Variants in SIRPA observed in about 807,000 individuals in gnomAD.
SIRPA encodes the protein signal regulatory protein alpha, also known as tyrosine-protein phosphatase non-receptor type substrate 1.
In SIRPA, 9 loss-of-function variants were observed where a neutral mutation model predicts 50.3. The ratio of observed to expected loss-of-function variants is 0.18; its 90% confidence interval spans 0.11 to 0.31. SIRPA has a LOEUF of 0.31. SIRPA is among the 10% of genes least tolerant of loss of function. The pLI is 1.00. For synonymous variants in SIRPA, 265 were observed against 284.1 expected (o/e 0.93, Z 0.68); for missense variants, 474 against 661.6 (o/e 0.72, Z 3.11).
At position 1,922,451 on chromosome 20, in the gene SIRPA, C is replaced by T. The variant is rs1021538813; in HGVS notation, c.893C>T (p.Thr298Met). The T allele has an allele frequency of 8.7e-6, 14 of 1,614,116 alleles. No homozygotes were observed. Among genetic ancestry groups the T allele is most frequent in the East Asian group, 6.7e-5 (3 of 44,890 alleles). Residue 298 changes from threonine to methionine, a missense_variant, in exon 4 of 8, where the codon ACG (threonine) becomes ATG (methionine). Physicochemically the swap from Thr to Met is moderately conservative, Grantham distance 81 (BLOSUM62 -1). Around this residue, in one of 4 missense-constraint regions of SIRPA, gnomAD observed 221 missense variants for 359.9 expected, o/e 0.61. Coordinates refer to ENST00000358771, the MANE Select transcript of SIRPA (RefSeq NM_001040023.2). ...LENGNVSRTE[T>M]ASTVTENKDG... ...AATGGAAACGTGTCCCGGACAGAAA[C>T]GGCCTCAACCGTTACAGAGAACAAG...
chr20:1,895,996 G>A (rs1002947064), intron 1 of SIRPA, among the ~76,000 whole-genome samples: 6 of 152,350 alleles, frequency 3.9e-5, no homozygotes, highest in Admixed American at 2.0e-4. Flanking sequence ...ACAGAGACAA[G>A]CTGTTGCAAT....
At position 1,903,082 on chromosome 20, in the gene SIRPA, C is replaced by T. The variant is rs143626849; in HGVS notation, c.79+7556C>T. Among the ~76,000 whole-genome samples the T allele has an allele frequency of 9.7e-3, 1,467 of 151,008 alleles. 8 individuals are homozygous for T. Among genetic ancestry groups the T allele is most frequent in the Non-Finnish European group, 0.016 (1,105 of 67,870 alleles). On this transcript the variant is annotated intron_variant, in intron 1 of 7. Coordinates refer to ENST00000358771, the MANE Select transcript of SIRPA (RefSeq NM_001040023.2). Reference sequence around the variant, plus strand: ...GAGTAGCCACGGGGGATAGCAAGAGCCCTCCATGTGGGAGGAATGGCAGAT... The same window carrying T: ...GAGTAGCCACGGGGGATAGCAAGAGTCCTCCATGTGGGAGGAATGGCAGAT...
At position 1,927,625 on chromosome 20, in the gene SIRPA, A is replaced by AG. The variant is rs748006427; in HGVS notation, c.1202-248dup. 1.3e-4 allele frequency among the ~76,000 whole-genome samples: 20 copies of AG among 152,268 alleles called. No individual in the cohort carries two copies. Among genetic ancestry groups the AG allele is most frequent in the Non-Finnish European group, 2.8e-4 (19 of 68,018 alleles). On this transcript the variant is annotated intron_variant, in intron 5 of 7. Coordinates refer to ENST00000358771, the MANE Select transcript of SIRPA (RefSeq NM_001040023.2). This position sits in a 1 kb window ranked among gnomAD's most constrained non-coding sequence, Gnocchi z 6.5. Reference sequence around the variant, plus strand: ...GGGCGGTTGTCGCCTCCCAGGCTGAAGGCTGCTTTTGGACCCCTGGCAACT... The same window carrying AG: ...GGGCGGTTGTCGCCTCCCAGGCTGAAGGGCTGCTTTTGGACCCCTGGCAACT...
chr20:1,930,502 C>T (rs1166255797), intron 6 of SIRPA, among the ~76,000 whole-genome samples: 1 of 152,248 alleles, frequency 6.6e-6, no homozygotes, highest in African/African-American at 2.4e-5. Context: ...CCCACTCTGC[C>T]TTCTCTGAAT....
chr20:1,924,556 C>T lies in SIRPA; in HGVS notation c.1088-208C>T, dbSNP rs781017250. Among the ~76,000 whole-genome samples, 33 of 152,332 alleles carry T rather than the reference C, an allele frequency of 2.2e-4. No homozygotes were observed. Among genetic ancestry groups the T allele is most frequent in the Admixed American group, 6.5e-4 (10 of 15,306 alleles). ...ACAAATATATTCCCCCCTGGCACCT[C>T]AGCATGGTTTTTGTGCTGTTCATGG... On this transcript the variant is annotated intron_variant, in intron 4 of 7. Coordinates refer to ENST00000358771, the MANE Select transcript of SIRPA (RefSeq NM_001040023.2). The surrounding 1 kb of genome is among the most constrained non-coding windows in gnomAD (Gnocchi z 4.5).
At chr20:1,911,251 AAAAT>A (rs1984870243) in intron 1 of SIRPA, among the ~76,000 whole-genome samples, 2 of 152,230 alleles carry the variant, frequency 1.3e-5, no homozygotes, top group Non-Finnish European at 2.9e-5. Context: ...TGAATGAAGC[AAAAT>A]GTCTGCACAT....
At chr20:1,908,069 C>T (rs1373161401) in intron 1 of SIRPA, among the ~76,000 whole-genome samples, 5 of 152,164 alleles carry the variant, frequency 3.3e-5, no homozygotes, top group African/African-American at 1.2e-4. Context: ...AAGGGCACGA[C>T]CCTAGACAGA....
chr20:1,905,229 G>A (rs1182672687), intron 1 of SIRPA, among the ~76,000 whole-genome samples: 4 of 152,194 alleles, frequency 2.6e-5, no homozygotes, highest in Admixed American at 2.6e-4. Flanking sequence ...GCTTTTAAGA[G>A]GGCCTTTATC....
intron 1 of SIRPA, 147 bp from the exon 2 acceptor site, chr20:1,914,952 G>C: frequency 1.4e-6 from 1 of 734,282 alleles, no homozygotes; most frequent in South Asian, 1.8e-5. Context: ...TTGTTGTGAG[G>C]GTCAAATGAG....
intron 2 of SIRPA, 33 bp downstream of exon 2, chr20:1,915,488 T>C: frequency 6.2e-7 from 1 of 1,610,690 alleles, no homozygotes; most frequent in Admixed American, 1.7e-5. Context: ...TTGCCTCTGG[T>C]TTGTGACAGT....
At chr20:1,901,575 C>T (rs1466003986) in intron 1 of SIRPA, among the ~76,000 whole-genome samples, 1 of 152,192 alleles carries the variant, frequency 6.6e-6, no homozygotes, top group East Asian at 1.9e-4. Flanking sequence ...TCTATTTTCA[C>T]AGCTGAAACT....
rs762714208 is a variant in SIRPA at position 1,937,546 on chromosome 20, G to C, written c.1493G>C (p.Ser498Thr). 6.2e-7 allele frequency: 1 copy of C among 1,614,116 alleles called. No homozygotes were observed. ...GAGCCGTCCTTCTCAGAGTACGCCAGCGTCCAGGTCCCGAGGAAGTGAATG... is the reference window on the plus strand; with the variant it reads ...GAGCCGTCCTTCTCAGAGTACGCCACCGTCCAGGTCCCGAGGAAGTGAATG... The part of the protein sequence containing the change: ...KPEPSFSEYA[S>T]VQVPRK Residue 498 changes from serine to threonine, a missense_variant, in exon 8 of 8, where the codon AGC (serine) becomes ACC (threonine). This residue lies in a region of SIRPA where 180 missense variants were observed against 206.7 expected (regional missense o/e 0.87). Transcript: ENST00000358771. The surrounding 1 kb of genome is among the most constrained non-coding windows in gnomAD (Gnocchi z 8.3).
chr20:1,927,626 G>A lies in SIRPA; in HGVS notation c.1202-249G>A, dbSNP rs562732426. Among the ~76,000 whole-genome samples the A allele has an allele frequency of 7.8e-4, 119 of 152,218 alleles. No individual in the cohort carries two copies. The highest frequency in any genetic ancestry group is 1.5e-3 in the Non-Finnish European group (101 of 67,968). On this transcript the variant is annotated intron_variant, in intron 5 of 7. Coordinates refer to ENST00000358771, the MANE Select transcript of SIRPA (RefSeq NM_001040023.2). The surrounding 1 kb of genome is among the most constrained non-coding windows in gnomAD (Gnocchi z 6.5). ...GGCGGTTGTCGCCTCCCAGGCTGAA[G>A]GCTGCTTTTGGACCCCTGGCAACTT...
chr20:1,901,097 G>A (rs1037483259), intron 1 of SIRPA, among the ~76,000 whole-genome samples: 1 of 151,296 alleles, frequency 6.6e-6, no homozygotes, highest in Admixed American at 6.6e-5. Context: ...GCCCAGTTGT[G>A]CTGGCACCCT....
intron 1 of SIRPA, among the ~76,000 whole-genome samples, chr20:1,902,180 G>T (rs1177202221): frequency 6.6e-6 from 1 of 152,180 alleles, no homozygotes; most frequent in African/African-American, 2.4e-5. Context: ...TTGCTAGGGA[G>T]AGGAGAATCG....
At chr20:1,918,679 C>T (rs1985461100) in intron 2 of SIRPA, among the ~76,000 whole-genome samples, 1 of 152,054 alleles carries the variant, frequency 6.6e-6, no homozygotes, top group African/African-American at 2.4e-5. Context: ...ATGGGGTTTT[C>T]CCAAGGTCAT....
rs1171206311 is a variant in SIRPA, at chr20:1,938,671, T to G, written c.*1103T>G. The G allele has an allele frequency of 6.5e-6, 1 of 152,734 alleles. No homozygotes were observed. The highest frequency in any genetic ancestry group is 6.5e-5 in the Admixed American group (1 of 15,282). 9.5% of individuals were successfully genotyped at this position (152,734 alleles called of 1,614,324 possible). A position where few individuals can be genotyped will look rare whatever the true frequency, so the allele number is the denominator to read the frequency against. On this transcript the variant is annotated 3_prime_UTR_variant, in exon 8 of 8. Transcript: ENST00000358771. ...GGACTGACTTGGCCATGTTCTCAGCTGAGCCACGCGGCTGGTAGTGCAGCC... is the reference window on the plus strand; with the variant it reads ...GGACTGACTTGGCCATGTTCTCAGCGGAGCCACGCGGCTGGTAGTGCAGCC...
chr20:1,918,206 CT>C (rs11475492), intron 2 of SIRPA, among the ~76,000 whole-genome samples: 79,094 of 150,664 alleles, frequency 0.52, 21,008 homozygotes, highest in East Asian at 0.66. Context: ...TTTGTTTTTT[CT>C]TTTTTTTTGA....
chr20:1,935,411 G>C (rs964202948), intron 7 of SIRPA, among the ~76,000 whole-genome samples: 6 of 152,228 alleles, frequency 3.9e-5, no homozygotes, highest in African/African-American at 1.4e-4. Context: ...AACCCGGAAC[G>C]AGAGCGCGCC....
Sources: gnomAD v4.1 joint callset for allele counts (sites outside exome capture counted in the v4.1 genomes callset) on GRCh38, gnomAD v4.1.1 for gene constraint, gnomAD v4.1.1 regional missense constraint, Gnocchi (gnomAD v3.1) non-coding constraint, MANE v1.5 for transcripts, NCBI Gene and HGNC (gene_info 2026-07-23, HGNC 2026-07-21) for gene names.